Variants in SLC12A6 observed in about 807,000 individuals in gnomAD.
The protein encoded by SLC12A6 is solute carrier family 12 member 6.
In SLC12A6, 66 loss-of-function variants were observed where a neutral mutation model predicts 135.3. The ratio of observed to expected loss-of-function variants is 0.49; its 90% confidence interval spans 0.40 to 0.60. The LOEUF (loss-of-function observed/expected upper bound fraction) is 0.60, where lower values mean the gene tolerates loss of function less well. SLC12A6 is among the 20% of genes least tolerant of loss of function. The pLI is 0.00. For missense variants in SLC12A6, 1,058 were observed against 1,452.3 expected (o/e 0.73, Z 4.41); for synonymous variants, 513 against 508.8 (o/e 1.01, Z -0.11).
intron 15 of SLC12A6, among the ~76,000 whole-genome samples, chr15:34,244,748 T>C (rs1187825885): frequency 6.6e-6 from 1 of 152,234 alleles, no homozygotes; most frequent in African/African-American, 2.4e-5. Context: ...AATAACCAGT[T>C]ATTCTTCAAG....
intron 3 of SLC12A6, among the ~76,000 whole-genome samples, chr15:34,271,900 C>T (rs1158932472): frequency 2.0e-5 from 3 of 152,206 alleles, no homozygotes; most frequent in African/African-American, 7.2e-5. Context: ...CAGTTTTTCA[C>T]CTACCAGGCC....
At chr15:34,245,091 A>T (rs1348390235) in intron 15 of SLC12A6, among the ~76,000 whole-genome samples, 194 bp downstream of exon 15, 1 of 152,246 alleles carries the variant, frequency 6.6e-6, no homozygotes, top group African/African-American at 2.4e-5. Flanking sequence ...TTGAAGTTAA[A>T]TAGGTAGGAA....
intron 2 of SLC12A6, among the ~76,000 whole-genome samples, chr15:34,295,304 G>T (rs1241601743): frequency 1.3e-5 from 2 of 152,206 alleles, no homozygotes; most frequent in Admixed American, 1.3e-4. Context: ...TAAAGCTCAG[G>T]TGAGATACTA....
chr15:34,245,710 T>C lies in SLC12A6; in HGVS notation c.1807A>G (p.Ile603Val), dbSNP rs754525498. The C allele has an allele frequency of 6.2e-7, 1 of 1,613,694 alleles. No homozygotes were observed. The highest frequency in any genetic ancestry group is 1.1e-5 in the South Asian group (1 of 91,076). The stretch of plus-strand genomic sequence containing the variant: ...TCACTCACCCTCAGAAACGGTATGA[T>C]GTTATCCTTGGCAATAGCTTGTAGC... ...RLLQAIAKDNIIPFLRVFGHS... is the reference protein window; with the variant it reads ...RLLQAIAKDNVIPFLRVFGHS... The change falls in exon 14 of 26, where the codon ATC (isoleucine) becomes GTC (valine). Residue 603 changes from isoleucine (I) to valine (V), a missense_variant. Transcript: ENST00000354181.
Position 34,236,757 on chromosome 15 carries a change from G to C in SLC12A6, c.2993C>G (p.Ser998Cys), listed in dbSNP as rs1277538716. 6 of 1,612,484 alleles carry C rather than the reference G, an allele frequency of 3.7e-6. No individual in the cohort carries two copies. Among genetic ancestry groups the C allele is most frequent in the Non-Finnish European group, 5.1e-6 (6 of 1,178,592 alleles). Residue 998 changes from serine to cysteine, a missense_variant, in exon 23 of 26, where the codon TCC becomes TGC. Around this residue, in one of 6 missense-constraint regions of SLC12A6, gnomAD observed 245 missense variants for 440.8 expected, o/e 0.56. Transcript: ENST00000354181. ...TAGCCGCATGTGCCGGAGCATCTGG[G>C]ACCTTTGTTCCATCATCAAAGTGCG... Reference protein sequence around the residue: ...YERTLMMEQRSQMLRHMRLSK... With the variant: ...YERTLMMEQRCQMLRHMRLSK...
At chr15:34,235,409 CTA>C in intron 24 of SLC12A6, 95 bp from the exon 25 acceptor site, 1 of 845,854 alleles carries the variant, frequency 1.2e-6, no homozygotes, top group Non-Finnish European at 2.0e-6. Flanking sequence ...TTTCACTTGA[CTA>C]TGGATAATCT....
At position 34,241,224 on chromosome 15, in the gene SLC12A6, T is replaced by C. The variant is rs2140665219; in HGVS notation, c.2267+9A>G. On this transcript the variant is annotated intron_variant, in intron 18 of 25. Coordinates refer to ENST00000354181, the MANE Select transcript of SLC12A6 (RefSeq NM_001365088.1). ...ATGTGCCAAATACTGCTAGTGTTGA[T>C]TTCTTTACCTCCAGTTTTTAGTGTG... 1 of 1,446,158 alleles carries C rather than the reference T, an allele frequency of 6.9e-7. No individual in the cohort carries two copies. The highest frequency in any genetic ancestry group is 9.7e-7 in the Non-Finnish European group (1 of 1,026,654). The allele number at this position is 1,446,158 out of a possible 1,614,324, so 89.6% of individuals were successfully genotyped here. A position where few individuals can be genotyped will look rare whatever the true frequency, so the allele number is the denominator to read the frequency against.
intron 2 of SLC12A6, among the ~76,000 whole-genome samples, chr15:34,301,175 G>A (rs1334196879): frequency 6.6e-6 from 1 of 152,030 alleles, no homozygotes; most frequent in Non-Finnish European, 1.5e-5. Flanking sequence ...CACCATGTCG[G>A]TCAGGCTGGT....
At chr15:34,337,241 T>A (rs1480370719) in intron 1 of SLC12A6, 91 bp downstream of exon 1, 1 of 173,250 alleles carries the variant, frequency 5.8e-6, no homozygotes, top group Non-Finnish European at 1.3e-5. Flanking sequence ...TGGGGGGAGG[T>A]GTATGCAAAG....
At chr15:34,332,015 C>T (rs955819895) in intron 2 of SLC12A6, among the ~76,000 whole-genome samples, 1 of 152,132 alleles carries the variant, frequency 6.6e-6, no homozygotes, top group South Asian at 2.1e-4. Flanking sequence ...CAACATTCAA[C>T]CGTCTGACCA....
At chr15:34,256,325 A>G in intron 6 of SLC12A6, 42 bp from the exon 7 acceptor site, 1 of 1,372,040 alleles carries the variant, frequency 7.3e-7, no homozygotes. Flanking sequence ...CTGTGTAAAG[A>G]TGACATTTCT....
At chr15:34,299,432 A>C (rs1896092186) in intron 2 of SLC12A6, 1 of 152,220 alleles carries the variant, frequency 6.6e-6, no homozygotes, top group Admixed American at 6.5e-5. Flanking sequence ...GGCACTGGAG[A>C]TGCATAAAGA....
chr15:34,285,718 C>CACACACACACACACACACAT (rs1555385547), intron 2 of SLC12A6, among the ~76,000 whole-genome samples: 13,555 of 65,870 alleles, frequency 0.21, 782 homozygotes, highest in South Asian at 0.3. Context: ...GTGTGTTTGT[C>CACACACACACACACACACAT]ATACATAAAA....
chr15:34,270,912 T>C (rs1893884177), intron 3 of SLC12A6, among the ~76,000 whole-genome samples: 1 of 151,662 alleles, frequency 6.6e-6, no homozygotes, highest in African/African-American at 2.4e-5. Flanking sequence ...AGGAAACTTA[T>C]AATCATGGTG....
intron 2 of SLC12A6, among the ~76,000 whole-genome samples, chr15:34,333,808 C>T (rs1301912799): frequency 1.3e-5 from 2 of 152,050 alleles, no homozygotes; most frequent in Admixed American, 1.3e-4. Flanking sequence ...CTGTGGCTCA[C>T]GCCTGTAATC....
In SLC12A6 at chr15:34,233,680, A is replaced by G; in HGVS notation, c.*201T>C. 2 of 583,092 alleles carry G rather than the reference A, an allele frequency of 3.4e-6. No homozygotes were observed. Among genetic ancestry groups the G allele is most frequent in the South Asian group, 3.9e-5 (2 of 51,076 alleles). 36.1% of individuals were successfully genotyped at this position (583,092 alleles called of 1,614,324 possible). A position where few individuals can be genotyped will look rare whatever the true frequency, so the allele number is the denominator to read the frequency against. ...AGCATTGTTCTGATGTTGAGGGAAT[A>G]TTTGCTTTTTCTGTAATGACTGCAG... is the stretch of plus-strand genomic sequence containing the variant. On this transcript the variant is annotated 3_prime_UTR_variant, in exon 26 of 26. Transcript: ENST00000354181.
intron 2 of SLC12A6, among the ~76,000 whole-genome samples, chr15:34,332,483 G>GA (rs1595589549): frequency 6.6e-6 from 1 of 152,168 alleles, no homozygotes; most frequent in African/African-American, 2.4e-5. Context: ...ATAAAAGGTT[G>GA]AAATGTATTA....
intron 3 of SLC12A6, among the ~76,000 whole-genome samples, chr15:34,266,753 C>G (rs755519981): frequency 6.6e-6 from 1 of 152,172 alleles, no homozygotes; most frequent in African/African-American, 2.4e-5. Flanking sequence ...TTTAGACATA[C>G]ATCTATTGTT....
At chr15:34,295,895 G>C (rs937915998) in intron 2 of SLC12A6, among the ~76,000 whole-genome samples, 2 of 152,146 alleles carry the variant, frequency 1.3e-5, no homozygotes, top group African/African-American at 4.8e-5. Flanking sequence ...AGCTACTCGG[G>C]AGGCTGAGGC....
Sources: allele counts gnomAD v4.1 joint callset (sites outside exome capture counted in the v4.1 genomes callset), GRCh38; gene constraint gnomAD v4.1.1; regional missense constraint gnomAD v4.1.1; transcripts MANE v1.5; gene names NCBI Gene and HGNC (gene_info 2026-07-23, HGNC 2026-07-21).